FAM161A: variants seen among roughly 807,000 people sequenced by gnomAD.
FAM161A encodes FAM161 centrosomal protein A.
Under a neutral mutation model 70.9 loss-of-function variants are expected in FAM161A, and 57 were observed. That is an observed-to-expected ratio of 0.80 (90% CI 0.65 to 1.00). The LOEUF is 1.00. FAM161A is among the 50% of genes least tolerant of loss of function. FAM161A has a pLI of 0.00. For missense variants in FAM161A, 880 were observed against 836.0 expected (o/e 1.05, Z -0.65); for synonymous variants, 299 against 295.7 (o/e 1.01, Z -0.12).
rs1271395033 is a variant in FAM161A at position 61,838,632 on chromosome 2, T to A, written c.1657A>T (p.Lys553Ter). The change falls in exon 4 of 7, where the codon AAA becomes TAA. Residue 553 changes from lysine to a stop codon, truncating the protein, a stop_gained. Coordinates refer to ENST00000404929, the MANE Select transcript of FAM161A (RefSeq NM_001201543.2). LOFTEE classifies it high-confidence loss of function. ...GTTGTCAGGAGTTTCTGCAATTCTT[T>A]CATTCTTTGCTTCTGTTTAGTTAGG... ...RILTKQKQRM[K>*]ELQKLLTTRA... The A allele has an allele frequency of 6.2e-7, 1 of 1,612,120 alleles. No homozygotes were observed. The highest frequency in any genetic ancestry group is 8.5e-7 in the Non-Finnish European group (1 of 1,179,492).
At chr2:61,820,917 G>A (rs1392202095), downstream of FAM161A, among the ~76,000 whole-genome samples, 1 of 152,126 alleles carries the variant, frequency 6.6e-6, no homozygotes, top group Admixed American at 6.6e-5. Flanking sequence ...TGAAAAGGAA[G>A]AAACAAAAAG....
rs1420773744 is a variant in FAM161A at position 61,825,002 on chromosome 2, T to A, written c.*1453A>T. 1 of 453,242 alleles carries A rather than the reference T, an allele frequency of 2.2e-6. No individual in the cohort carries two copies. Among genetic ancestry groups the A allele is most frequent in the South Asian group, 1.6e-5 (1 of 63,930 alleles). The allele number at this position is 453,242 out of a possible 1,614,324, so 28.1% of individuals were successfully genotyped here. A position where few individuals can be genotyped will look rare whatever the true frequency, so the allele number is the denominator to read the frequency against. On this transcript the variant is annotated 3_prime_UTR_variant, in exon 7 of 7. Coordinates refer to ENST00000404929, the MANE Select transcript of FAM161A (RefSeq NM_001201543.2). ...TAGTAAAAAGTAATTTAACACGAAC[T>A]GTAGGAAGAAAATTACAAGTAAACA...
rs780565318 is a variant in FAM161A, at chr2:61,839,545, G to A, written c.1459C>T (p.Arg487Cys). The change falls in exon 3 of 7, where the codon CGT becomes TGT. Residue 487 changes from arginine to cysteine, a missense_variant. By Grantham distance (180) the Arg-to-Cys change is radical (BLOSUM62 -3). Coordinates refer to ENST00000404929, the MANE Select transcript of FAM161A (RefSeq NM_001201543.2). ...EADEENLKET[R>C]WPYLSPRRKS... ...CGCCTTGGAGACAAATAAGGCCAAC[G>A]TGTTTCTTTTAAATTTTCTTCATCT... is the stretch of plus-strand genomic sequence containing the variant. The A allele has an allele frequency of 2.1e-5, 34 of 1,614,148 alleles. No homozygotes were observed. The highest frequency in any genetic ancestry group is 1.0e-4 in the Admixed American group (6 of 60,012).
chr2:61,814,530 C>A, the FAM161A span, among the ~76,000 whole-genome samples: 1 of 151,990 alleles, frequency 6.6e-6, no homozygotes, highest in Admixed American at 6.6e-5. Flanking sequence ...GCTAGGGCAA[C>A]GTGACAAAAC....
intron 5 of FAM161A, among the ~76,000 whole-genome samples, chr2:61,833,288 C>T (rs1187292750): frequency 4.0e-5 from 6 of 151,662 alleles, no homozygotes; most frequent in Admixed American, 6.6e-5. Context: ...TAGCTAGGCA[C>T]GGTGGCGCGC....
intron 5 of FAM161A, among the ~76,000 whole-genome samples, chr2:61,833,028 C>T (rs1672640266): frequency 6.6e-6 from 1 of 151,602 alleles, no homozygotes; most frequent in African/African-American, 2.4e-5. Flanking sequence ...AACAGAAAAG[C>T]CTAAGAATAA....
the FAM161A span, among the ~76,000 whole-genome samples, chr2:61,812,038 A>G: frequency 1.2e-4 from 18 of 151,968 alleles, no homozygotes; most frequent in African/African-American, 4.1e-4. Flanking sequence ...TCCTCTATCT[A>G]AGATGCCTCC....
chr2:61,813,676 GC>G, the FAM161A span, among the ~76,000 whole-genome samples: 416 of 144,658 alleles, frequency 2.9e-3, 1 homozygote, highest in Middle Eastern at 7.4e-3. Flanking sequence ...CTGCAATTGT[GC>G]CACTGCATTC....
At chr2:61,848,143 T>C (rs1255593455) in intron 1 of FAM161A, among the ~76,000 whole-genome samples, 1 of 152,224 alleles carries the variant, frequency 6.6e-6, no homozygotes, top group Admixed American at 6.5e-5. Context: ...TCATGTCTTA[T>C]AGCAGTCATT....
chr2:61,814,685 A>ACTT, the FAM161A span, among the ~76,000 whole-genome samples: 1 of 152,224 alleles, frequency 6.6e-6, no homozygotes, highest in Non-Finnish European at 1.5e-5. Context: ...ACTGCACTCC[A>ACTT]GCCTGGGCAG....
intron 1 of FAM161A, among the ~76,000 whole-genome samples, chr2:61,843,902 G>A (rs1673110146): frequency 6.6e-6 from 1 of 152,120 alleles, no homozygotes; most frequent in Non-Finnish European, 1.5e-5. Flanking sequence ...CCAGCACTTT[G>A]GGAGGCCGAG....
chr2:61,853,218 C>T (rs1389118090), intron 1 of FAM161A, among the ~76,000 whole-genome samples: 3 of 152,104 alleles, frequency 2.0e-5, no homozygotes, highest in African/African-American at 7.2e-5. Flanking sequence ...CCAAGATTCC[C>T]ATCTTTTAAG....
At chr2:61,813,732 A>AG in the FAM161A span, among the ~76,000 whole-genome samples, 4 of 133,240 alleles carry the variant, frequency 3.0e-5, no homozygotes, top group Non-Finnish European at 5.1e-5. Flanking sequence ...AAAAAAAAAA[A>AG]AAAGAAAAAA....
chr2:61,818,064 CTTT>C, the FAM161A span, among the ~76,000 whole-genome samples: 7 of 139,734 alleles, frequency 5.0e-5, no homozygotes, highest in Admixed American at 7.2e-5. Flanking sequence ...CATTCAGATC[CTTT>C]TTTTTTTTTT....
the FAM161A span, among the ~76,000 whole-genome samples, chr2:61,808,192 T>C: frequency 5.3e-5 from 8 of 152,332 alleles, no homozygotes; most frequent in African/African-American, 1.9e-4. Context: ...AAGAAGTATT[T>C]TGAGGTTTCA....
the FAM161A span, chr2:61,803,177 C>T: frequency 3.9e-6 from 2 of 513,540 alleles, no homozygotes; most frequent in Admixed American, 5.3e-5. Flanking sequence ...GGGAAGGCAA[C>T]AGTGCCTAAG....
chr2:61,823,078 T>C (rs927223128), downstream of FAM161A, among the ~76,000 whole-genome samples: 2 of 149,494 alleles, frequency 1.3e-5, no homozygotes, highest in African/African-American at 4.9e-5. Flanking sequence ...CTCATGCCTG[T>C]AATCCCAGCA....
chr2:61,814,539 A>G, the FAM161A span, among the ~76,000 whole-genome samples: 1 of 151,948 alleles, frequency 6.6e-6, no homozygotes, highest in Non-Finnish European at 1.5e-5. Flanking sequence ...ACGTGACAAA[A>G]CTCCGTCTCT....
chr2:61,849,901 G>C (rs997619167), intron 1 of FAM161A, among the ~76,000 whole-genome samples: 2 of 147,370 alleles, frequency 1.4e-5, no homozygotes, highest in East Asian at 4.1e-4. Flanking sequence ...CTCATAAGTG[G>C]CAGGTAAAAT....
Sources: allele counts gnomAD v4.1 joint callset (sites outside exome capture counted in the v4.1 genomes callset), GRCh38; gene constraint gnomAD v4.1.1; transcripts MANE v1.5; gene names NCBI Gene and HGNC (gene_info 2026-07-23, HGNC 2026-07-21).